Variants in ENTHD1 observed in about 807,000 individuals in gnomAD.
The protein encoded by ENTHD1 is ENTH domain-containing protein 1.
A neutral mutation model predicts 39.1 loss-of-function variants in ENTHD1; 23 were observed. That is an observed-to-expected ratio of 0.59 (90% CI 0.42 to 0.83). The LOEUF is 0.83. Among genes scored for constraint, ENTHD1 ranks in the 40% least tolerant of loss-of-function variants. The pLI is 0.00. For synonymous variants in ENTHD1, 230 were observed against 258.2 expected (o/e 0.89, Z 1.05); for missense variants, 624 against 705.4 (o/e 0.88, Z 1.31).
chr22:39,886,248 G>A (rs755691227), intron 2 of ENTHD1, among the ~76,000 whole-genome samples: 1 of 152,098 alleles, frequency 6.6e-6, no homozygotes, highest in Admixed American at 6.5e-5. Context: ...GGTAGCCAGG[G>A]ATTCAAGAGG....
chr22:39,857,471 A>T (rs137940), intron 3 of ENTHD1, among the ~76,000 whole-genome samples: 63,248 of 117,790 alleles, frequency 0.54, 20,820 homozygotes, highest in African/African-American at 0.81. Context: ...AAAAAAAAAA[A>T]GCAATCTGTG....
At chr22:39,859,347 C>CTTTT (rs1462038932) in intron 3 of ENTHD1, among the ~76,000 whole-genome samples, 1 of 152,206 alleles carries the variant, frequency 6.6e-6, no homozygotes, top group Non-Finnish European at 1.5e-5. Flanking sequence ...CCTTCCAGAA[C>CTTTT]TTTTCCTTTA....
intron 6 of ENTHD1, among the ~76,000 whole-genome samples, chr22:39,755,656 CT>C (rs969768945): frequency 2.0e-5 from 3 of 152,032 alleles, no homozygotes; most frequent in African/African-American, 7.3e-5. Context: ...CTCCTGGGTA[CT>C]TTTGGAAACA....
intron 5 of ENTHD1, among the ~76,000 whole-genome samples, chr22:39,781,201 A>C (rs549592697): frequency 6.6e-6 from 1 of 152,340 alleles, no homozygotes; most frequent in Admixed American, 6.5e-5. Flanking sequence ...CTGCTCCAGA[A>C]CATAAGCTCT....
At chr22:39,855,453 C>A (rs2066077326) in intron 3 of ENTHD1, among the ~76,000 whole-genome samples, 1 of 152,012 alleles carries the variant, frequency 6.6e-6, no homozygotes, top group African/African-American at 2.4e-5. Flanking sequence ...GATTTGTGGT[C>A]CCGAGCATTT....
intron 5 of ENTHD1, among the ~76,000 whole-genome samples, chr22:39,776,172 C>G (rs774095318): frequency 6.6e-6 from 1 of 152,204 alleles, no homozygotes; most frequent in South Asian, 2.1e-4. Context: ...GGATTACTGG[C>G]ATGAGCCACC....
intron 5 of ENTHD1, among the ~76,000 whole-genome samples, chr22:39,817,266 T>TAAAG (rs1475041637): frequency 1.3e-5 from 2 of 152,282 alleles, no homozygotes; most frequent in African/African-American, 4.8e-5. Flanking sequence ...GAGCACATCC[T>TAAAG]AAAGAAACAC....
intron 5 of ENTHD1, among the ~76,000 whole-genome samples, chr22:39,768,198 A>G (rs1301723029): frequency 6.6e-6 from 1 of 152,136 alleles, no homozygotes; most frequent in Non-Finnish European, 1.5e-5. Flanking sequence ...TCTCCAATTC[A>G]ATTACTACTT....
intron 5 of ENTHD1, among the ~76,000 whole-genome samples, chr22:39,811,179 A>G (rs2065682999): frequency 6.6e-6 from 1 of 152,238 alleles, no homozygotes; most frequent in Non-Finnish European, 1.5e-5. Flanking sequence ...GAGACATGTT[A>G]TTGCATCTTG....
At chr22:39,776,390 A>C (rs558720004) in intron 5 of ENTHD1, among the ~76,000 whole-genome samples, 89 of 152,210 alleles carry the variant, frequency 5.8e-4, no homozygotes, top group Non-Finnish European at 1.1e-3. Flanking sequence ...TTCCATTTGA[A>C]CCTGAATGTC....
intron 4 of ENTHD1, among the ~76,000 whole-genome samples, chr22:39,823,512 AT>A (rs1265258185): frequency 1.3e-5 from 2 of 151,362 alleles, no homozygotes; most frequent in Non-Finnish European, 2.9e-5. Flanking sequence ...GCCCGACTAA[AT>A]TTTTTTTAAT....
intron 5 of ENTHD1, among the ~76,000 whole-genome samples, chr22:39,815,838 T>C (rs1336136810): frequency 6.6e-6 from 1 of 152,212 alleles, no homozygotes; most frequent in Non-Finnish European, 1.5e-5. Flanking sequence ...AGCAATGATA[T>C]TGAATGATAA....
At chr22:39,819,093 A>ATGG (rs1419273174) in intron 5 of ENTHD1, among the ~76,000 whole-genome samples, 1 of 152,182 alleles carries the variant, frequency 6.6e-6, no homozygotes, top group Non-Finnish European at 1.5e-5. Context: ...TCGGCTAGGC[A>ATGG]TGGTGGCTCA....
chr22:39,892,571 C>G (rs946384271), intron 1 of ENTHD1, among the ~76,000 whole-genome samples: 4 of 152,168 alleles, frequency 2.6e-5, no homozygotes, highest in Non-Finnish European at 4.4e-5. Flanking sequence ...GTTTTACCAC[C>G]AAATGAGTTG....
chr22:39,787,920 T>A (rs546358658), intron 5 of ENTHD1, among the ~76,000 whole-genome samples: 94 of 152,336 alleles, frequency 6.2e-4, no homozygotes, highest in Admixed American at 9.8e-4. Context: ...ATGCAACTGG[T>A]AACTTTAAGT....
intron 3 of ENTHD1, among the ~76,000 whole-genome samples, chr22:39,840,543 G>T (rs945877514): frequency 1.3e-5 from 2 of 152,020 alleles, no homozygotes; most frequent in African/African-American, 4.8e-5. Flanking sequence ...TGTCCTTTTA[G>T]GTGTAATGTA....
At chr22:39,759,203 T>C (rs574312355) in intron 6 of ENTHD1, among the ~76,000 whole-genome samples, 3 of 152,338 alleles carry the variant, frequency 2.0e-5, no homozygotes, top group Admixed American at 6.5e-5. Context: ...TTTCTTAGAA[T>C]TCACTAGTAA....
At chr22:39,830,041 C>T (rs2065856602) in intron 4 of ENTHD1, among the ~76,000 whole-genome samples, 1 of 151,966 alleles carries the variant, frequency 6.6e-6, no homozygotes, top group African/African-American at 2.4e-5. Context: ...TCACTATGCC[C>T]TGTTGTCTTA....
chr22:39,891,514 C>T (rs1348708702), intron 1 of ENTHD1, among the ~76,000 whole-genome samples: 2 of 151,046 alleles, frequency 1.3e-5, no homozygotes, highest in Non-Finnish European at 2.9e-5. Context: ...ACTATGTAGC[C>T]CAGGCTGCTT....
Sources: allele counts gnomAD v4.1 joint callset (sites outside exome capture counted in the v4.1 genomes callset), GRCh38; gene constraint gnomAD v4.1.1; transcripts MANE v1.5; gene names NCBI Gene and HGNC (gene_info 2026-07-23, HGNC 2026-07-21).